PPP2R3B: variants seen among roughly 807,000 people sequenced by gnomAD.
The protein encoded by PPP2R3B is protein phosphatase 2 regulatory subunit B''beta, also known as serine/threonine-protein phosphatase 2A regulatory subunit B'' subunit beta.
In PPP2R3B, 68 loss-of-function variants were observed where a neutral mutation model predicts 72.9. The ratio of observed to expected loss-of-function variants is 0.93; its 90% CI spans 0.77 to 1.14. PPP2R3B has a LOEUF of 1.14. PPP2R3B is among the 50% of genes most tolerant of loss of function. The pLI, the probability that PPP2R3B is intolerant of heterozygous loss-of-function variation, is 0.00. For synonymous variants in PPP2R3B, 466 were observed against 375.8 expected, an observed-to-expected ratio of 1.24 and a Z score of -2.78; for missense variants, 1,018 against 842.0, an observed-to-expected ratio of 1.21 and a Z score of -2.59.
intron 1 of PPP2R3B, among the ~76,000 whole-genome samples, chrX:379,936 C>G (rs373998101): frequency 2.0e-5 from 3 of 152,254 alleles, no homozygotes; most frequent in Admixed American, 6.5e-5. Flanking sequence ...GCACATACAG[C>G]AATGGGATGG....
rs1260915015 is a variant in PPP2R3B at position 379,414 on chromosome X, GTATGCACCTGTGTTTGTGCA to G, written c.324+6934_324+6953del. On this transcript the variant is annotated intron_variant, in intron 1 of 12. Coordinates refer to ENST00000390665, the MANE Select transcript of PPP2R3B (RefSeq NM_013239.5). ...CCTATGTGTGTATGCACCTATGTGT[GTATGCACCTGTGTTTGTGCA>G]TATGCACCTGTGTGTGTGTATGCAC... Among the ~76,000 whole-genome samples, 774 of 151,516 alleles carry G rather than the reference GTATGCACCTGTGTTTGTGCA, an allele frequency of 5.1e-3. 6 individuals carry two copies. Among genetic ancestry groups the G allele is most frequent in the African/African-American group, 9.3e-3 (385 of 41,262 alleles).
At position 334,124 on chromosome X, in the gene PPP2R3B, C is replaced by T. The variant is rs75529479; in HGVS notation, c.*243G>A. The stretch of plus-strand genomic sequence containing the variant: ...AGGCTGGGTCGGGAACGGCAAGCGC[C>T]AGAGGGTGTCCGTGTGGGAACCCGT... On this transcript the variant is annotated 3_prime_UTR_variant, in exon 13 of 13. Coordinates refer to ENST00000390665, the MANE Select transcript of PPP2R3B (RefSeq NM_013239.5). The T allele has an allele frequency of 0.29, 118,484 of 406,876 alleles. 18,196 individuals carry two copies. Among genetic ancestry groups the T allele is most frequent in the African/African-American group, 0.36 (17,083 of 47,534 alleles). The allele number at this position is 406,876 out of a possible 1,614,324, so 25.2% of individuals were successfully genotyped here.
intron 2 of PPP2R3B, among the ~76,000 whole-genome samples, chrX:353,642 C>CA (rs2124089588): frequency 6.6e-6 from 1 of 152,398 alleles, no homozygotes; most frequent in South Asian, 2.1e-4. Context: ...GACCGCAGGC[C>CA]AGTCCTTCAC....
intron 7 of PPP2R3B, 180 bp from the exon 8 acceptor site, chrX:342,111 C>A: frequency 1.4e-6 from 1 of 695,160 alleles, no homozygotes; most frequent in East Asian, 2.6e-5. Flanking sequence ...CCACGCTTTC[C>A]CGTCGAGCAG....
intron 2 of PPP2R3B, among the ~76,000 whole-genome samples, chrX:350,823 C>G (rs1209749823): frequency 6.6e-6 from 1 of 152,212 alleles, no homozygotes; most frequent in East Asian, 1.9e-4. Flanking sequence ...GTGGCCCGGC[C>G]AGGACATCTG....
At chrX:381,813 T>C (rs762004987) in intron 1 of PPP2R3B, among the ~76,000 whole-genome samples, 19 of 152,014 alleles carry the variant, frequency 1.2e-4, no homozygotes, top group Non-Finnish European at 2.5e-4. Context: ...TTAGCCAAGA[T>C]GGTCTCTATC....
Position 345,676 on chromosome X carries a change from C to A in PPP2R3B, c.880-4G>T. 2 of 1,612,040 alleles carry A rather than the reference C, an allele frequency of 1.2e-6. No homozygotes were observed. The highest frequency in any genetic ancestry group is 1.7e-6 in the Non-Finnish European group (2 of 1,179,116). On this transcript the variant is annotated splice_region_variant and splice_polypyrimidine_tract_variant and intron_variant, in intron 6 of 12. Coordinates refer to ENST00000390665, the MANE Select transcript of PPP2R3B (RefSeq NM_013239.5). ...CCTCCTCCAGCAGCGCCACATTCTG[C>A]CAAAGGACCCAGGCGGCCTGAGCGC...
Position 345,546 on chromosome X carries a change from C to A in PPP2R3B, c.1006G>T (p.Ala336Ser). Residue 336 changes from alanine to serine, a missense_variant, in exon 7 of 13, where the codon GCG becomes TCG. Transcript: ENST00000390665. ...LDTDHDLLID[A>S]DDLARHNDHA... ...TCATTGTGCCGCGCCAGGTCGTCCG[C>A]GTCGATGAGCAGGTCGTGGTCCGTG... 6.2e-7 allele frequency: 1 copy of A among 1,613,112 alleles called. No homozygotes were observed. The highest frequency in any genetic ancestry group is 1.7e-5 in the Admixed American group (1 of 60,010).
intron 2 of PPP2R3B, among the ~76,000 whole-genome samples, chrX:354,004 G>A (rs1452712552): frequency 2.9e-5 from 4 of 136,692 alleles, no homozygotes; most frequent in Admixed American, 1.5e-4. Flanking sequence ...TCCAAAGACC[G>A]GGGCTCACCC....
At chrX:347,937 T>C in intron 2 of PPP2R3B, 1 of 470,146 alleles carries the variant, frequency 2.1e-6, no homozygotes, top group Non-Finnish European at 3.7e-6. Context: ...AGACCACGCG[T>C]GGGCACTGTA....
intron 2 of PPP2R3B, among the ~76,000 whole-genome samples, chrX:361,031 C>T (rs771335053): frequency 6.6e-6 from 1 of 152,318 alleles, no homozygotes; most frequent in Admixed American, 6.5e-5. Flanking sequence ...AGGGGCAAGG[C>T]CAGGAGGGTG....
At chrX:379,925 T>C (rs1184644809) in intron 1 of PPP2R3B, among the ~76,000 whole-genome samples, 2 of 152,184 alleles carry the variant, frequency 1.3e-5, no homozygotes, top group Non-Finnish European at 2.9e-5. Flanking sequence ...GGTGAGGGGA[T>C]GCACATACAG....
At chrX:346,376 C>T (rs973405036) in intron 5 of PPP2R3B, 116 bp from the exon 6 acceptor site, 3 of 1,017,618 alleles carry the variant, frequency 2.9e-6, no homozygotes, top group Non-Finnish European at 4.3e-6. Context: ...ACGGGGCCGC[C>T]AGGGCACAGG....
Position 386,446 on chromosome X carries a change from C to T in PPP2R3B, c.246G>A (p.Ala82=). Residue 82 remains alanine, a synonymous_variant, in exon 1 of 13, where the codon GCG becomes GCA. Transcript: ENST00000390665. ...EPPGTPGPGP[A]LPLGAASSPR... ...GGCTGGAGGCGGCGCCCAGGGGCAG[C>T]GCAGGGCCCGGCCCGGGGGTTCCCG... is the stretch of plus-strand genomic sequence containing the variant. 2 of 1,315,420 alleles carry T rather than the reference C, an allele frequency of 1.5e-6. No homozygotes were observed. Among genetic ancestry groups the T allele is most frequent in the Non-Finnish European group, 9.7e-7 (1 of 1,029,260 alleles). The allele number at this position is 1,315,420 out of a possible 1,614,324, so 81.5% of individuals were successfully genotyped here. A position where few individuals can be genotyped will look rare whatever the true frequency, so the allele number is the denominator to read the frequency against.
intron 2 of PPP2R3B, chrX:359,865 C>CA (rs1178557111): frequency 3.9e-6 from 2 of 515,210 alleles, no homozygotes; most frequent in South Asian, 2.8e-5. Context: ...ACAGCACAGA[C>CA]AGGGACAGAA....
rs73613875 is a variant in PPP2R3B at position 345,532 on chromosome X, C to T, written c.1020G>A (p.Ala340=). The change falls in exon 7 of 13, where the codon GCG becomes GCA. Residue 340 remains alanine, a synonymous_variant. Coordinates refer to ENST00000390665, the MANE Select transcript of PPP2R3B (RefSeq NM_013239.5). The part of the protein sequence containing the change: ...HDLLIDADDL[A]RHNDHALSTK... ...CCCACGCACCGTGGTCATTGTGCCG[C>T]GCCAGGTCGTCCGCGTCGATGAGCA... 17,484 of 1,612,918 alleles carry T rather than the reference C, an allele frequency of 0.011. 1,657 individuals carry two copies. The African/African-American group carries it at 0.2, about 19-fold the overall frequency.
chrX:364,088 G>C (rs1232796509), intron 1 of PPP2R3B, among the ~76,000 whole-genome samples: 5 of 152,236 alleles, frequency 3.3e-5, no homozygotes, highest in Non-Finnish European at 7.3e-5. Flanking sequence ...CAGAAGCGTG[G>C]GCCGAGCGGG....
At chrX:349,847 G>A (rs779921657) in intron 2 of PPP2R3B, among the ~76,000 whole-genome samples, 3 of 152,220 alleles carry the variant, frequency 2.0e-5, no homozygotes, top group South Asian at 4.1e-4. Flanking sequence ...AATCAAAGAC[G>A]ACCTCAACGT....
intron 1 of PPP2R3B, among the ~76,000 whole-genome samples, chrX:369,981 C>T (rs767368414): frequency 2.8e-4 from 43 of 152,266 alleles, no homozygotes; most frequent in African/African-American, 9.9e-4. Flanking sequence ...ACCCAGATGA[C>T]GGCCACCCCC....
Sources: gnomAD v4.1 joint callset for allele counts (sites outside exome capture counted in the v4.1 genomes callset) on GRCh38, gnomAD v4.1.1 for gene constraint, MANE v1.5 for transcripts, NCBI Gene and HGNC (gene_info 2026-07-23, HGNC 2026-07-21) for gene names.